TENM2: variants seen among roughly 807,000 people sequenced by gnomAD.
The protein encoded by TENM2 is teneurin-2.
Under a neutral mutation model 245.2 loss-of-function variants are expected in TENM2, and 52 were observed. That is an observed-to-expected ratio of 0.21 (90% CI 0.17 to 0.27). TENM2 has a LOEUF of 0.27. Ranked by LOEUF, TENM2 falls within the 10% of genes least tolerant of loss-of-function variation. TENM2 has a pLI of 1.00. For synonymous variants in TENM2, 1,363 were observed against 1,438.9 expected (o/e 0.95, Z 1.19); for missense variants, 3,046 against 3,666.8 (o/e 0.83, Z 4.37).
At chr5:167,557,340 A>G (rs2127633652) in intron 2 of TENM2, among the ~76,000 whole-genome samples, 1 of 152,346 alleles carries the variant, frequency 6.6e-6, no homozygotes, top group African/African-American at 2.4e-5. Flanking sequence ...CAAGGGTAGG[A>G]AAGCAAAAAA....
chr5:167,133,590 G>A, the TENM2 span, among the ~76,000 whole-genome samples: 1 of 148,072 alleles, frequency 6.8e-6, no homozygotes, highest in Non-Finnish European at 1.5e-5. Flanking sequence ...TTGTAGGCGG[G>A]TGCCTTGTTT....
chr5:168,258,379 T>C (rs1443035504), intron 27 of TENM2, among the ~76,000 whole-genome samples: 2 of 152,072 alleles, frequency 1.3e-5, no homozygotes, highest in Non-Finnish European at 2.9e-5. Context: ...CATGCACCTG[T>C]AGTCCCAGCT....
At chr5:167,962,217 T>C (rs961806115) in intron 4 of TENM2, among the ~76,000 whole-genome samples, 1 of 151,720 alleles carries the variant, frequency 6.6e-6, no homozygotes, top group Admixed American at 6.6e-5. Flanking sequence ...TTCTCAATGC[T>C]AATTTTGGAA....
intron 1 of TENM2, among the ~76,000 whole-genome samples, chr5:167,356,097 G>A (rs1292635334): frequency 1.4e-5 from 2 of 138,936 alleles, no homozygotes; most frequent in South Asian, 2.3e-4. Context: ...CAGGAGAATC[G>A]TTTGAACCCG....
Position 167,350,511 on chromosome 5 carries a change from A to G in TENM2, c.227-24687A>G, listed in dbSNP as rs368180591. 1.4e-4 allele frequency among the ~76,000 whole-genome samples: 20 copies of G among 147,638 alleles called. No homozygotes were observed. In the South Asian group the frequency reaches 4.2e-3, roughly 31 times the overall value. ...ATCTATATATATACAAGATATATAT[A>G]TCCTATCCATATATATATGGAATAT... On this transcript the variant is annotated intron_variant, in intron 1 of 28. Transcript: ENST00000518659.
At chr5:167,545,682 T>C (rs1461035978) in intron 2 of TENM2, among the ~76,000 whole-genome samples, 1 of 152,200 alleles carries the variant, frequency 6.6e-6, no homozygotes, top group East Asian at 1.9e-4. Flanking sequence ...GTTTTATGCT[T>C]TTATGGGTAC....
the TENM2 span, among the ~76,000 whole-genome samples, chr5:167,105,130 A>G: frequency 6.6e-6 from 1 of 152,264 alleles, no homozygotes; most frequent in East Asian, 1.9e-4. Flanking sequence ...TTAATTAGGG[A>G]AAAAAGTAGA....
At chr5:168,151,024 G>A (rs774390849) in intron 12 of TENM2, among the ~76,000 whole-genome samples, 17 of 152,088 alleles carry the variant, frequency 1.1e-4, no homozygotes, top group Non-Finnish European at 2.2e-4. Context: ...CTGTCAAGCC[G>A]GACACTCTCA....
the TENM2 span, among the ~76,000 whole-genome samples, chr5:167,145,178 C>T: frequency 6.6e-6 from 1 of 152,162 alleles, no homozygotes; most frequent in Non-Finnish European, 1.5e-5. Context: ...TGCAAAATCC[C>T]TTTTACCATG....
At chr5:167,150,214 T>C in the TENM2 span, among the ~76,000 whole-genome samples, 6 of 152,186 alleles carry the variant, frequency 3.9e-5, no homozygotes, top group African/African-American at 1.4e-4. Context: ...ATCCTGTCTA[T>C]TCCCCCTTTC....
the TENM2 span, among the ~76,000 whole-genome samples, chr5:167,272,375 A>G: frequency 6.6e-6 from 1 of 152,316 alleles, no homozygotes; most frequent in East Asian, 1.9e-4. Context: ...CTTAAACAGA[A>G]AAGCATGTCA....
At chr5:167,493,148 C>T (rs1768548589) in intron 2 of TENM2, among the ~76,000 whole-genome samples, 2 of 151,880 alleles carry the variant, frequency 1.3e-5, no homozygotes, top group Admixed American at 1.3e-4. Context: ...CTTTGGTGGC[C>T]CACACGTGTA....
chr5:167,847,500 T>C (rs1427117693), intron 2 of TENM2, among the ~76,000 whole-genome samples: 3 of 152,230 alleles, frequency 2.0e-5, no homozygotes, highest in African/African-American at 4.8e-5. Context: ...CCAACCTCCT[T>C]GCACAGGACT....
intron 5 of TENM2, among the ~76,000 whole-genome samples, chr5:168,008,637 G>T (rs145785229): frequency 3.7e-4 from 57 of 152,258 alleles, no homozygotes; most frequent in African/African-American, 1.3e-3. Context: ...AGTTAACTGC[G>T]AGAGATTTCT....
At chr5:167,050,355 A>G in the TENM2 span, among the ~76,000 whole-genome samples, 1 of 152,116 alleles carries the variant, frequency 6.6e-6, no homozygotes, top group Admixed American at 6.5e-5. Flanking sequence ...AATCTAAGTA[A>G]TGCCTCATGA....
At chr5:167,718,054 C>T (rs1443840193) in intron 2 of TENM2, among the ~76,000 whole-genome samples, 1 of 152,138 alleles carries the variant, frequency 6.6e-6, no homozygotes, top group African/African-American at 2.4e-5. Flanking sequence ...ATCTAGCATG[C>T]ATATATGAAT....
At chr5:167,279,049 G>A in the TENM2 span, among the ~76,000 whole-genome samples, 2 of 152,154 alleles carry the variant, frequency 1.3e-5, no homozygotes, top group Admixed American at 6.5e-5. Flanking sequence ...TTCATTGGAT[G>A]TAGGATTGTA....
intron 2 of TENM2, among the ~76,000 whole-genome samples, chr5:167,386,358 GGATT>G (rs1761432754): frequency 6.6e-6 from 1 of 151,810 alleles, no homozygotes; most frequent in Non-Finnish European, 1.5e-5. Context: ...CTTTTTGATG[GGATT>G]ATTATTTTTT....
chr5:168,127,682 T>C (rs544451559), intron 12 of TENM2, among the ~76,000 whole-genome samples: 30 of 152,332 alleles, frequency 2.0e-4, no homozygotes, highest in African/African-American at 7.2e-4. Flanking sequence ...GTAGAGAAGC[T>C]GGGAGCCAAT....
Sources: gnomAD v4.1 joint callset for allele counts (sites outside exome capture counted in the v4.1 genomes callset) on GRCh38, gnomAD v4.1.1 for gene constraint, MANE v1.5 for transcripts, NCBI Gene and HGNC (gene_info 2026-07-23, HGNC 2026-07-21) for gene names.